PDC: variants seen among roughly 807,000 people sequenced by gnomAD.
PDC encodes 33 kDa phototransducing protein.
Under a neutral mutation model 22.2 loss-of-function variants are expected in PDC, and 19 were observed. The ratio of observed to expected loss-of-function variants is 0.86; its 90% CI spans 0.60 to 1.26. PDC has a LOEUF of 1.26. Ranked by LOEUF, PDC falls within the 50% of genes most tolerant of loss-of-function variation. The pLI, the probability that PDC is intolerant of heterozygous loss-of-function variation, is 0.00. For missense variants in PDC, 274 were observed against 286.8 expected (o/e 0.96, Z 0.32); for synonymous variants, 97 against 96.2 (o/e 1.01, Z -0.05).
Position 186,444,578 on chromosome 1 carries a change from A to T in PDC, c.214-72T>A, listed in dbSNP as rs147271545. Reference sequence around the variant, plus strand: ...CCTTAGATATACCAAGCCCATTCTCAACCGAAGGAGTGTACTTTTGCTCTT... The same window carrying T: ...CCTTAGATATACCAAGCCCATTCTCTACCGAAGGAGTGTACTTTTGCTCTT... On this transcript the variant is annotated intron_variant, in intron 3 of 3. Coordinates refer to ENST00000391997, the MANE Select transcript of PDC (RefSeq NM_002597.5). 3.4e-5 allele frequency: 34 copies of T among 1,001,568 alleles called. 1 individual carries two copies. In the East Asian group the frequency reaches 7.6e-4, roughly 22 times the overall value. The allele number at this position is 1,001,568 out of a possible 1,614,324, so 62.0% of individuals were successfully genotyped here.
chr1:186,443,918 A>G lies in PDC; in HGVS notation c.*61T>C, dbSNP rs1662159821. On this transcript the variant is annotated 3_prime_UTR_variant, in exon 4 of 4. Coordinates refer to ENST00000391997, the MANE Select transcript of PDC (RefSeq NM_002597.5). ...CTGTGTTCACTAAAGCAATATAGAT[A>G]CTACCAAAACCATCATCCAATACCT... is the stretch of plus-strand genomic sequence containing the variant. The G allele has an allele frequency of 7.9e-7, 1 of 1,263,220 alleles. No homozygotes were observed. Among genetic ancestry groups the G allele is most frequent in the Non-Finnish European group, 1.1e-6 (1 of 888,078 alleles). The allele number at this position is 1,263,220 out of a possible 1,614,324, so 78.3% of individuals were successfully genotyped here.
chr1:186,459,531 A>G (rs1336188618), intron 1 of PDC, among the ~76,000 whole-genome samples: 1 of 152,116 alleles, frequency 6.6e-6, no homozygotes. Context: ...TATCTTGTAA[A>G]TATACATATT....
chr1:186,452,099 CA>C lies in PDC; in HGVS notation c.-24-2617del, dbSNP rs1022452472. Among the ~76,000 whole-genome samples, 44 of 152,148 alleles carry C rather than the reference CA, an allele frequency of 2.9e-4. 1 individual carries two copies. ...TGCTTAAAGCACCTAGAGGAAGACACAAGTAGAATATTATGAGCCATTAATA... is the reference window on the plus strand; with the variant it reads ...TGCTTAAAGCACCTAGAGGAAGACACAGTAGAATATTATGAGCCATTAATA... On this transcript the variant is annotated intron_variant, in intron 1 of 3. Transcript: ENST00000391997.
intron 1 of PDC, among the ~76,000 whole-genome samples, chr1:186,450,513 GT>G (rs567911921): frequency 1.2e-3 from 174 of 150,954 alleles, no homozygotes; most frequent in Non-Finnish European, 2.1e-3. Flanking sequence ...CCCTGCTAAT[GT>G]TTTTTTTTAT....
At chr1:186,450,761 C>T (rs1302824757) in intron 1 of PDC, among the ~76,000 whole-genome samples, 1 of 152,178 alleles carries the variant, frequency 6.6e-6, no homozygotes, top group Non-Finnish European at 1.5e-5. Flanking sequence ...ACACTCATAT[C>T]AAATCTATTT....
chr1:186,456,368 A>G (rs529539279), intron 1 of PDC, among the ~76,000 whole-genome samples: 21 of 152,250 alleles, frequency 1.4e-4, no homozygotes, highest in African/African-American at 5.1e-4. Flanking sequence ...GAAACAATAG[A>G]TTTTATTTAG....
chr1:186,460,311 GCT>G (rs1662557299), intron 1 of PDC, among the ~76,000 whole-genome samples: 1 of 152,048 alleles, frequency 6.6e-6, no homozygotes, highest in African/African-American at 2.4e-5. Flanking sequence ...ACACTATCCT[GCT>G]CTCTCTGGCC....
At chr1:186,450,989 A>G (rs1339145260) in intron 1 of PDC, 1 of 152,112 alleles carries the variant, frequency 6.6e-6, no homozygotes, top group Non-Finnish European at 1.5e-5. Context: ...CGCACAGTTT[A>G]TACTTTGAAA....
chr1:186,445,806 G>A (rs1558123174), intron 3 of PDC, among the ~76,000 whole-genome samples: 2 of 151,692 alleles, frequency 1.3e-5, no homozygotes, highest in Non-Finnish European at 2.9e-5. Flanking sequence ...AATGATAATA[G>A]TAATAATAAT....
chr1:186,449,612 G>A (rs1025182555), intron 1 of PDC, 129 bp from the exon 2 acceptor site: 2 of 468,900 alleles, frequency 4.3e-6, no homozygotes, highest in African/African-American at 3.9e-5. Flanking sequence ...AGTAGGCTAA[G>A]GATAATCACT....
At chr1:186,449,370 T>G (rs768740990) in intron 2 of PDC, 29 bp downstream of exon 2, 5 of 1,427,912 alleles carry the variant, frequency 3.5e-6, no homozygotes, top group Non-Finnish European at 4.9e-6. Context: ...TTTAATTTAA[T>G]AATTATTTTT....
intron 1 of PDC, among the ~76,000 whole-genome samples, chr1:186,450,036 G>C (rs1200498382): frequency 6.6e-6 from 1 of 152,156 alleles, no homozygotes; most frequent in African/African-American, 2.4e-5. Context: ...GAAGGGCAGA[G>C]AGTTTAAGTT....
In PDC at chr1:186,446,499, T is replaced by C; in HGVS notation, c.140A>G (p.Lys47Arg). 1 of 1,606,300 alleles carries C rather than the reference T, an allele frequency of 6.2e-7. No homozygotes were observed. The highest frequency in any genetic ancestry group is 2.2e-5 in the East Asian group (1 of 44,722). The stretch of plus-strand genomic sequence containing the variant: ...AGAAGACATTTGCCTGAGAATCTCC[T>C]TCTTGCTAGGTGGAATTGAATCACT... ...QDSDSIPPSK[K>R]EILRQMSSPQ... Residue 47 changes from lysine to arginine, a missense_variant, in exon 3 of 4, where the codon AAG becomes AGG. By Grantham distance (26) the Lys-to-Arg change is conservative (BLOSUM62 2). Coordinates refer to ENST00000391997, the MANE Select transcript of PDC (RefSeq NM_002597.5).
intron 1 of PDC, among the ~76,000 whole-genome samples, chr1:186,452,602 T>G (rs1662375761): frequency 6.6e-6 from 1 of 152,226 alleles, no homozygotes; most frequent in Non-Finnish European, 1.5e-5. Flanking sequence ...ATAACTGCTC[T>G]ATGAGTCTGT....
intron 1 of PDC, among the ~76,000 whole-genome samples, chr1:186,459,324 C>T (rs1185283294): frequency 2.0e-5 from 3 of 152,190 alleles, no homozygotes; most frequent in Non-Finnish European, 2.9e-5. Context: ...CAGGCACGCG[C>T]CGCCACGCCT....
intron 1 of PDC, among the ~76,000 whole-genome samples, chr1:186,458,751 T>G (rs1285680789): frequency 6.6e-6 from 1 of 152,124 alleles, no homozygotes; most frequent in Non-Finnish European, 1.5e-5. Flanking sequence ...CACTCAACAG[T>G]CCTGTTTGGG....
At position 186,443,726 on chromosome 1, in the gene PDC, G is replaced by C; in HGVS notation, c.*253C>G. ...AACTTGAAAGGGATTTTTGAAAAAT[G>C]TCATAATATTATCCACATCCTCTTT... On this transcript the variant is annotated 3_prime_UTR_variant, in exon 4 of 4. Transcript: ENST00000391997. 1 of 360,472 alleles carries C rather than the reference G, an allele frequency of 2.8e-6. No individual in the cohort carries two copies. Among genetic ancestry groups the C allele is most frequent in the South Asian group, 8.4e-5 (1 of 11,964 alleles). The allele number at this position is 360,472 out of a possible 1,614,324, so 22.3% of individuals were successfully genotyped here. A position where few individuals can be genotyped will look rare whatever the true frequency, so the allele number is the denominator to read the frequency against.
At position 186,444,414 on chromosome 1, in the gene PDC, G is replaced by C. The variant is rs1177301623; in HGVS notation, c.306C>G (p.His102Gln). The C allele has an allele frequency of 6.2e-7, 1 of 1,613,644 alleles. No homozygotes were observed. The highest frequency in any genetic ancestry group is 1.7e-5 in the Admixed American group (1 of 59,998). Residue 102 changes from histidine (H) to glutamine (Q), a missense_variant, in exon 4 of 4, where the codon CAC becomes CAG. Transcript: ENST00000391997. ...ATCTAGGCCCAAAACTCAGCTTCTG[G>C]TGCATATCCTGCATACACTGTCTAC... is the stretch of plus-strand genomic sequence containing the variant. ...KYRRQCMQDM[H>Q]QKLSFGPRYG... is the part of the protein sequence containing the mutation.
intron 1 of PDC, among the ~76,000 whole-genome samples, chr1:186,460,313 T>C (rs562641991): frequency 6.6e-6 from 1 of 152,296 alleles, no homozygotes; most frequent in African/African-American, 2.4e-5. Flanking sequence ...ACTATCCTGC[T>C]CTCTCTGGCC....
Sources: gnomAD v4.1 joint callset for allele counts (sites outside exome capture counted in the v4.1 genomes callset) on GRCh38, gnomAD v4.1.1 for gene constraint, MANE v1.5 for transcripts, NCBI Gene and HGNC (gene_info 2026-07-23, HGNC 2026-07-21) for gene names.